MBTPS1: variants seen among roughly 807,000 people sequenced by gnomAD.
The protein encoded by MBTPS1 is membrane bound transcription factor peptidase, site 1.
MBTPS1 carries 94 observed loss-of-function variants against 127.8 expected under a neutral mutation model. The ratio of observed to expected loss-of-function variants is 0.74; its 90% CI spans 0.62 to 0.87. The LOEUF is 0.87. Ranked by LOEUF, MBTPS1 falls within the 40% of genes least tolerant of loss-of-function variation. The pLI, the probability that MBTPS1 is intolerant of heterozygous loss-of-function variation, is 0.00. For synonymous variants in MBTPS1, 632 were observed against 509.4 expected, an observed-to-expected ratio of 1.24 and a Z score of -3.24; for missense variants, 1,636 against 1,353.2, an observed-to-expected ratio of 1.21 and a Z score of -3.28.
chr16:84,055,457 G>T (rs1192710816), intron 22 of MBTPS1, among the ~76,000 whole-genome samples: 2 of 152,242 alleles, frequency 1.3e-5, no homozygotes, highest in Admixed American at 6.5e-5. Context: ...GCCTTGGGTA[G>T]TGGAGAAGAA....
Position 84,063,372 on chromosome 16 carries a change from A to G in MBTPS1, c.2505T>C (p.Ala835=). The G allele has an allele frequency of 6.2e-7, 1 of 1,614,106 alleles. No homozygotes were observed. Among genetic ancestry groups the G allele is most frequent in the Non-Finnish European group, 8.5e-7 (1 of 1,179,970 alleles). ...ACAGTACAATCCGGCCTCCACCCTCAGCTGGAATCTGATAAAGTCCCAAAA... is the reference window on the plus strand; with the variant it reads ...ACAGTACAATCCGGCCTCCACCCTCGGCTGGAATCTGATAAAGTCCCAAAA... The part of the protein sequence containing the change: ...VPILGLYQIP[A]EGGGRIVLYG... Residue 835 remains alanine (A), a synonymous_variant, in exon 19 of 23, where the codon GCT becomes GCC. Coordinates refer to ENST00000343411, the MANE Select transcript of MBTPS1 (RefSeq NM_003791.4).
rs114940809 is a variant in MBTPS1 at position 84,087,655 on chromosome 16, T to G, written c.1032-195A>C. Among the ~76,000 whole-genome samples, 496 of 152,276 alleles carry G rather than the reference T, an allele frequency of 3.3e-3. 3 individuals carry two copies. Among genetic ancestry groups the G allele is most frequent in the African/African-American group, 0.011 (467 of 41,560 alleles). ...GCATGATCCTGCCACGTTCATGCTGTGCTCACATTACGCCCTCTCACCTGC... is the reference window on the plus strand; with the variant it reads ...GCATGATCCTGCCACGTTCATGCTGGGCTCACATTACGCCCTCTCACCTGC... On this transcript the variant is annotated intron_variant, in intron 8 of 22. Coordinates refer to ENST00000343411, the MANE Select transcript of MBTPS1 (RefSeq NM_003791.4).
At chr16:84,070,444 C>T in intron 13 of MBTPS1, 144 bp downstream of exon 13, 1 of 808,196 alleles carries the variant, frequency 1.2e-6, no homozygotes, top group Non-Finnish European at 1.9e-6. Context: ...TCCGGAGGCC[C>T]TGGAACCATC....
At chr16:84,066,433 G>T (rs1460061988) in intron 17 of MBTPS1, 56 bp downstream of exon 17, 9 of 1,587,452 alleles carry the variant, frequency 5.7e-6, no homozygotes, top group African/African-American at 1.3e-5. Context: ...GACTTCAGAG[G>T]TGTAGAGCTT....
At chr16:84,065,886 T>C (rs2085675836) in intron 17 of MBTPS1, 119 bp from the exon 18 acceptor site, 1 of 566,096 alleles carries the variant, frequency 1.8e-6, no homozygotes, top group Non-Finnish European at 3.0e-6. Flanking sequence ...TAATTGTTTT[T>C]AATCTTGAGG....
intron 20 of MBTPS1, chr16:84,059,889 G>A (rs2085581183): frequency 6.5e-6 from 1 of 153,266 alleles, no homozygotes; most frequent in Non-Finnish European, 1.5e-5. Context: ...CGTAGCTACT[G>A]AGCAAGTGAA....
At chr16:84,098,255 T>A (rs116434605) in intron 3 of MBTPS1, among the ~76,000 whole-genome samples, 5 of 152,138 alleles carry the variant, frequency 3.3e-5, no homozygotes, top group African/African-American at 1.2e-4. Context: ...TGACCATTCC[T>A]GGTCAGGAGG....
Position 84,072,922 on chromosome 16 carries a change from G to T in MBTPS1, c.1593+1675C>A, listed in dbSNP as rs186228129. Among the ~76,000 whole-genome samples the T allele has an allele frequency of 4.2e-3, 633 of 152,308 alleles. 3 individuals are homozygous for T. The highest frequency in any genetic ancestry group is 7.0e-3 in the Non-Finnish European group (476 of 68,024). On this transcript the variant is annotated intron_variant, in intron 12 of 22. Coordinates refer to ENST00000343411, the MANE Select transcript of MBTPS1 (RefSeq NM_003791.4). ...GATGTGCCAAGAGCCATCCTTGACT[G>T]TTCACACCCTCTGATTCAGGGAGCA... is the stretch of plus-strand genomic sequence containing the variant.
chr16:84,106,259 C>T (rs1210134144), intron 1 of MBTPS1, among the ~76,000 whole-genome samples: 1 of 152,180 alleles, frequency 6.6e-6, no homozygotes, highest in African/African-American at 2.4e-5. Context: ...CGTGCCACTA[C>T]ACTCCAGCCT....
At chr16:84,112,995 G>C (rs1024319477) in intron 1 of MBTPS1, among the ~76,000 whole-genome samples, 1 of 135,372 alleles carries the variant, frequency 7.4e-6, no homozygotes, top group African/African-American at 2.7e-5. Flanking sequence ...AAAAAAAAAA[G>C]AATAAATCAT....
chr16:84,059,739 G>C (rs2085577975), intron 20 of MBTPS1: 1 of 190,258 alleles, frequency 5.3e-6, no homozygotes, highest in Admixed American at 5.8e-5. Flanking sequence ...GGCTACACCT[G>C]CGAAATCTAA....
intron 1 of MBTPS1, among the ~76,000 whole-genome samples, chr16:84,107,124 A>G (rs1210179324): frequency 6.6e-6 from 1 of 152,190 alleles, no homozygotes; most frequent in Non-Finnish European, 1.5e-5. Context: ...ATGGCAAAAG[A>G]CAGAGGGCAC....
At chr16:84,068,317 C>T (rs775335779) in intron 15 of MBTPS1, 22 bp downstream of exon 15, 2 of 1,472,356 alleles carry the variant, frequency 1.4e-6, no homozygotes, top group Admixed American at 1.7e-5. Flanking sequence ...GACCATCTGG[C>T]TAGCACAGCA....
intron 6 of MBTPS1, among the ~76,000 whole-genome samples, chr16:84,092,692 T>G (rs2086125742): frequency 6.6e-6 from 1 of 152,160 alleles, no homozygotes; most frequent in Non-Finnish European, 1.5e-5. Flanking sequence ...ACTAGGACCC[T>G]CTCCCTTTTC....
rs745870382 is a variant in MBTPS1 at position 84,068,466 on chromosome 16, T to C, written c.1956-12A>G. 2.1e-5 allele frequency: 32 copies of C among 1,528,314 alleles called. No homozygotes were observed. Among genetic ancestry groups the C allele is most frequent in the Non-Finnish European group, 2.5e-5 (28 of 1,101,954 alleles). 94.7% of individuals were successfully genotyped at this position (1,528,314 alleles called of 1,614,324 possible). A position where few individuals can be genotyped will look rare whatever the true frequency, so the allele number is the denominator to read the frequency against. ...TGTGATCACCATTCCTGAAAAACAA[T>C]AGGCCACAGCATTAAAATGATCGAT... On this transcript the variant is annotated splice_polypyrimidine_tract_variant and intron_variant, in intron 14 of 22. Coordinates refer to ENST00000343411, the MANE Select transcript of MBTPS1 (RefSeq NM_003791.4).
At chr16:84,085,463 G>A (rs1249043346) in intron 9 of MBTPS1, among the ~76,000 whole-genome samples, 3 of 151,902 alleles carry the variant, frequency 2.0e-5, no homozygotes, top group Non-Finnish European at 4.4e-5. Flanking sequence ...GGCTACTCAG[G>A]AGGATCACCT....
chr16:84,101,542 C>A, intron 2 of MBTPS1, 79 bp downstream of exon 2: 1 of 1,195,358 alleles, frequency 8.4e-7, no homozygotes, highest in South Asian at 1.6e-5. Context: ...ACATGTTATT[C>A]AGCAATAGCT....
intron 11 of MBTPS1, among the ~76,000 whole-genome samples, chr16:84,077,130 C>T (rs1316544857): frequency 2.0e-5 from 3 of 150,770 alleles, no homozygotes; most frequent in South Asian, 2.1e-4. Flanking sequence ...GAGGCTGAGA[C>T]GGGACAGTCA....
chr16:84,066,029 T>A (rs78698482), intron 17 of MBTPS1, among the ~76,000 whole-genome samples: 1 of 152,124 alleles, frequency 6.6e-6, no homozygotes, highest in Non-Finnish European at 1.5e-5. Context: ...ATTAGGTTTC[T>A]GAATAGATGT....
Sources: allele counts gnomAD v4.1 joint callset (sites outside exome capture counted in the v4.1 genomes callset), GRCh38; gene constraint gnomAD v4.1.1; transcripts MANE v1.5; gene names NCBI Gene and HGNC (gene_info 2026-07-23, HGNC 2026-07-21).